GNG12: variants seen among roughly 807,000 people sequenced by gnomAD.
GNG12 encodes G protein subunit gamma 12.
For missense variants in GNG12, 69 were observed against 83.8 expected (o/e 0.82, Z 0.69); for synonymous variants, 28 against 29.7 (o/e 0.94, Z 0.19).
chr1:67,786,584 T>G (rs999100122), intron 1 of GNG12, among the ~76,000 whole-genome samples: 8 of 152,068 alleles, frequency 5.3e-5, no homozygotes, highest in African/African-American at 1.9e-4. Context: ...TACTATGTGT[T>G]TGGCAATGTG....
intron 2 of GNG12, among the ~76,000 whole-genome samples, chr1:67,732,510 C>T (rs984104390): frequency 1.3e-5 from 2 of 152,216 alleles, no homozygotes; most frequent in African/African-American, 4.8e-5. Context: ...GGGGCTCTGC[C>T]TCCAAATCAA....
chr1:67,709,878 T>TTA (rs1165700891), intron 2 of GNG12, among the ~76,000 whole-genome samples: 2 of 119,722 alleles, frequency 1.7e-5, no homozygotes, highest in South Asian at 2.4e-4. Context: ...ATATATATAT[T>TTA]TATATATATA....
At position 67,731,965 on chromosome 1, in the gene GNG12, C is replaced by T. The variant is rs564013235; in HGVS notation, c.-26-24253G>A. On this transcript the variant is annotated intron_variant, in intron 2 of 3. Transcript: ENST00000370982. ...ATGCTGTCTTACATGCGGTGGCATTCAATAGATATTTACTTAATGAATATG... is the reference window on the plus strand; with the variant it reads ...ATGCTGTCTTACATGCGGTGGCATTTAATAGATATTTACTTAATGAATATG... Among the ~76,000 whole-genome samples, 889 of 152,224 alleles carry T rather than the reference C, an allele frequency of 5.8e-3. 10 individuals are homozygous for T. The highest frequency in any genetic ancestry group is 0.021 in the African/African-American group (853 of 41,518).
intron 2 of GNG12, among the ~76,000 whole-genome samples, chr1:67,729,695 C>T (rs187168898): frequency 2.1e-4 from 32 of 152,320 alleles, no homozygotes; most frequent in Admixed American, 5.9e-4. Context: ...ATGAGCCAGC[C>T]TGCTCTGTTG....
intron 2 of GNG12, among the ~76,000 whole-genome samples, chr1:67,758,268 C>T (rs553980914): frequency 6.6e-6 from 1 of 152,322 alleles, no homozygotes; most frequent in South Asian, 2.1e-4. Flanking sequence ...GCCACTGCGT[C>T]CAGCCCTAGC....
At chr1:67,830,989 CAGAT>C (rs1157858935) in intron 1 of GNG12, among the ~76,000 whole-genome samples, 7 of 152,328 alleles carry the variant, frequency 4.6e-5, no homozygotes, top group Admixed American at 2.0e-4. Context: ...TAAAGCCCTA[CAGAT>C]AGAGACCATT....
Position 67,720,516 on chromosome 1 carries a change from T to C in GNG12, c.-26-12804A>G, listed in dbSNP as rs150319435. Among the ~76,000 whole-genome samples, 607 of 152,330 alleles carry C rather than the reference T, an allele frequency of 4.0e-3. 2 individuals are homozygous for C. Among genetic ancestry groups the C allele is most frequent in the African/African-American group, 0.014 (580 of 41,566 alleles). On this transcript the variant is annotated intron_variant, in intron 2 of 3. Coordinates refer to ENST00000370982, the MANE Select transcript of GNG12 (RefSeq NM_018841.6). The stretch of plus-strand genomic sequence containing the variant: ...GAGAGCCAGATATCTCATGTGCTTA[T>C]CCATAAATGAATAGATGAATGGATA...
intron 1 of GNG12, among the ~76,000 whole-genome samples, chr1:67,816,906 C>G (rs1432184231): frequency 2.0e-5 from 3 of 152,248 alleles, no homozygotes; most frequent in Non-Finnish European, 2.9e-5. Flanking sequence ...GAAAGTGCCT[C>G]AGTGTCCCCA....
chr1:67,732,309 CAA>C (rs1406944026), intron 2 of GNG12, among the ~76,000 whole-genome samples: 1 of 152,224 alleles, frequency 6.6e-6, no homozygotes, highest in African/African-American at 2.4e-5. Flanking sequence ...CTATTATTAT[CAA>C]GAGAGGCCTG....
At chr1:67,753,200 A>G (rs947257529) in intron 2 of GNG12, among the ~76,000 whole-genome samples, 1 of 152,212 alleles carries the variant, frequency 6.6e-6, no homozygotes, top group Non-Finnish European at 1.5e-5. Context: ...GTTTTCAAAT[A>G]CAAGTTGAGC....
chr1:67,774,357 C>T (rs1646692542), intron 2 of GNG12, among the ~76,000 whole-genome samples: 1 of 152,138 alleles, frequency 6.6e-6, no homozygotes, highest in Admixed American at 6.5e-5. Flanking sequence ...TTCTTAATTG[C>T]ATTATTTTAC....
At chr1:67,758,894 G>A (rs1455331665) in intron 2 of GNG12, among the ~76,000 whole-genome samples, 1 of 149,940 alleles carries the variant, frequency 6.7e-6, no homozygotes, top group Admixed American at 6.6e-5. Flanking sequence ...GGGAAGGGAA[G>A]GGGGGGATGA....
intron 1 of GNG12, among the ~76,000 whole-genome samples, chr1:67,803,223 AAGTT>A (rs66613462): frequency 0.33 from 49,368 of 151,828 alleles, 8,223 homozygotes; most frequent in Middle Eastern, 0.5. Flanking sequence ...TTTTAATTTA[AAGTT>A]AGTTGGTTGG....
chr1:67,824,509 C>CAAAA (rs35736017), intron 1 of GNG12, among the ~76,000 whole-genome samples: 1,102 of 93,816 alleles, frequency 0.012, 34 homozygotes, highest in African/African-American at 0.04. Flanking sequence ...GATCCTGTCT[C>CAAAA]AAAAAAAAAA....
chr1:67,783,921 A>T lies in GNG12; in HGVS notation c.-76-6414T>A, dbSNP rs202012511. Among the ~76,000 whole-genome samples, 104 of 149,796 alleles carry T rather than the reference A, an allele frequency of 6.9e-4. 1 individual carries two copies. The East Asian group carries it at 0.014, about 20-fold the overall frequency. ...AAGTCAGTGTGGCGATTCCTCAGGG[A>T]TCTAGAACTAGAAATACCATTTGAC... On this transcript the variant is annotated intron_variant, in intron 1 of 3. Coordinates refer to ENST00000370982, the MANE Select transcript of GNG12 (RefSeq NM_018841.6).
chr1:67,818,659 G>A (rs1347886498), intron 1 of GNG12, among the ~76,000 whole-genome samples: 1 of 152,104 alleles, frequency 6.6e-6, no homozygotes, highest in Non-Finnish European at 1.5e-5. Flanking sequence ...ACTGAGAAAG[G>A]TGGAGGTAGG....
chr1:67,766,098 G>GCGCACACACA (rs1307715972), intron 2 of GNG12, among the ~76,000 whole-genome samples: 1 of 100,816 alleles, frequency 9.9e-6, no homozygotes, highest in African/African-American at 4.5e-5. Context: ...ACAAAACAAG[G>GCGCACACACA]CACACACGCA....
intron 2 of GNG12, among the ~76,000 whole-genome samples, chr1:67,773,760 G>A (rs150707365): frequency 1.6e-3 from 241 of 152,308 alleles, no homozygotes; most frequent in Middle Eastern, 3.4e-3. Context: ...AACAGGGATG[G>A]TAAGTAGATT....
intron 2 of GNG12, among the ~76,000 whole-genome samples, chr1:67,716,463 G>A (rs751120693): frequency 1.4e-4 from 22 of 152,218 alleles, no homozygotes; most frequent in Non-Finnish European, 2.6e-4. Context: ...ATTCCATGCA[G>A]CATTGCATTT....
Sources: allele counts gnomAD v4.1 joint callset (sites outside exome capture counted in the v4.1 genomes callset), GRCh38; gene constraint gnomAD v4.1.1; transcripts MANE v1.5; gene names NCBI Gene and HGNC (gene_info 2026-07-23, HGNC 2026-07-21).